The following BICD1 variants were observed in gnomAD, a reference collection of about 807,000 sequenced individuals.
The protein encoded by BICD1 is protein bicaudal D homolog 1.
BICD1 carries 35 observed loss-of-function variants against 92.5 expected under a neutral mutation model. That is an observed-to-expected ratio of 0.38 (90% CI 0.29 to 0.50). BICD1 has a LOEUF of 0.50. BICD1 is among the 20% of genes least tolerant of loss of function. The pLI, the probability that BICD1 is intolerant of heterozygous loss-of-function variation, is 0.93. For missense variants in BICD1, 950 were observed against 1,189.8 expected (o/e 0.80, Z 2.97); for synonymous variants, 429 against 465.1 (o/e 0.92, Z 1.00).
intron 2 of BICD1, among the ~76,000 whole-genome samples, chr12:32,258,054 AG>A (rs1352547106): frequency 6.6e-6 from 1 of 152,190 alleles, no homozygotes; most frequent in African/African-American, 2.4e-5. Context: ...ATACGCCTAG[AG>A]GTAGAATTGC....
chr12:32,126,304 C>T (rs1301432351), intron 1 of BICD1, among the ~76,000 whole-genome samples: 2 of 152,036 alleles, frequency 1.3e-5, no homozygotes, highest in African/African-American at 2.4e-5. Context: ...GCTCTCACCA[C>T]GGTTTGCAGA....
chr12:32,113,812 C>T (rs564416126), intron 1 of BICD1, among the ~76,000 whole-genome samples: 1 of 150,282 alleles, frequency 6.7e-6, no homozygotes, highest in South Asian at 2.1e-4. Context: ...CAGGTTCAAG[C>T]GATTCTCCTG....
chr12:32,257,749 G>C (rs972969986), intron 2 of BICD1, among the ~76,000 whole-genome samples: 1 of 152,128 alleles, frequency 6.6e-6, no homozygotes, highest in African/African-American at 2.4e-5. Context: ...ACTATCCACA[G>C]TAAATAGAAT....
intron 2 of BICD1, among the ~76,000 whole-genome samples, chr12:32,293,076 C>T (rs1302815147): frequency 6.6e-6 from 1 of 152,132 alleles, no homozygotes; most frequent in Non-Finnish European, 1.5e-5. Context: ...AGGCTCCTCT[C>T]CTTATCCCTG....
chr12:32,324,991 T>C (rs111403158), intron 4 of BICD1, among the ~76,000 whole-genome samples: 1,560 of 152,260 alleles, frequency 0.01, 27 homozygotes, highest in African/African-American at 0.036. Flanking sequence ...TATTCAGTTA[T>C]TTCTTCTATA....
intron 1 of BICD1, among the ~76,000 whole-genome samples, chr12:32,116,655 G>A (rs947243780): frequency 3.3e-5 from 5 of 149,834 alleles, no homozygotes; most frequent in African/African-American, 1.2e-4. Flanking sequence ...GAGTAGCTGG[G>A]ACCACAGGTG....
intron 1 of BICD1, among the ~76,000 whole-genome samples, chr12:32,203,487 A>G (rs1298947712): frequency 2.0e-5 from 3 of 152,144 alleles, no homozygotes; most frequent in African/African-American, 2.4e-5. Flanking sequence ...GAATGACCCT[A>G]TGGTCTAAGA....
intron 1 of BICD1, among the ~76,000 whole-genome samples, chr12:32,191,293 C>A (rs1031766390): frequency 6.6e-6 from 1 of 151,716 alleles, no homozygotes; most frequent in African/African-American, 2.4e-5. Flanking sequence ...TGAAGAGAAA[C>A]AAAATTGACA....
intron 1 of BICD1, among the ~76,000 whole-genome samples, chr12:32,137,069 GT>G (rs915173649): frequency 2.6e-5 from 4 of 151,976 alleles, no homozygotes; most frequent in African/African-American, 7.3e-5. Flanking sequence ...TTTAAGTTAG[GT>G]TTTTTTGTTG....
intron 1 of BICD1, among the ~76,000 whole-genome samples, chr12:32,192,097 T>C (rs1944585811): frequency 6.6e-6 from 1 of 152,062 alleles, no homozygotes; most frequent in South Asian, 2.1e-4. Flanking sequence ...CCAAGAAACG[T>C]TCTTGAAGGA....
intron 1 of BICD1, among the ~76,000 whole-genome samples, chr12:32,142,186 A>C (rs1405565638): frequency 6.6e-6 from 1 of 152,004 alleles, no homozygotes; most frequent in Non-Finnish European, 1.5e-5. Flanking sequence ...TGGGCGGGTC[A>C]CTAGAGGTCA....
chr12:32,282,202 CTTTTTTTTTTTTT>C (rs56217529), intron 2 of BICD1, among the ~76,000 whole-genome samples: 53,906 of 93,772 alleles, frequency 0.57, 13,948 homozygotes, highest in Non-Finnish European at 0.63. Context: ...AGGTCTTCTT[CTTTTTTTTTTTTT>C]TTTTTTTTTT....
chr12:32,112,649 TTAAA>T (rs1450128445), intron 1 of BICD1, among the ~76,000 whole-genome samples: 1 of 152,134 alleles, frequency 6.6e-6, no homozygotes, highest in Non-Finnish European at 1.5e-5. Flanking sequence ...AGTCTTAGTA[TTAAA>T]TAATTCATTA....
At chr12:32,361,935 C>CT (rs1939345097) in intron 8 of BICD1, among the ~76,000 whole-genome samples, 1 of 152,222 alleles carries the variant, frequency 6.6e-6, no homozygotes, top group South Asian at 2.1e-4. Flanking sequence ...CCAGTGCCCA[C>CT]TGCTGCCATC....
At chr12:32,265,889 G>T (rs1166243935) in intron 2 of BICD1, among the ~76,000 whole-genome samples, 1 of 152,124 alleles carries the variant, frequency 6.6e-6, no homozygotes, top group Non-Finnish European at 1.5e-5. Flanking sequence ...GAATTCTAAA[G>T]TATAAAGAAT....
intron 1 of BICD1, among the ~76,000 whole-genome samples, chr12:32,184,535 T>C (rs888750621): frequency 6.6e-6 from 1 of 152,170 alleles, no homozygotes; most frequent in African/African-American, 2.4e-5. Flanking sequence ...TCCACCCACC[T>C]CGGCCTCCCA....
intron 1 of BICD1, among the ~76,000 whole-genome samples, chr12:32,177,499 A>G (rs564186370): frequency 6.6e-6 from 1 of 150,884 alleles, no homozygotes; most frequent in South Asian, 2.1e-4. Flanking sequence ...GTATAATCCA[A>G]ATTTTGTAAG....
At chr12:32,224,509 A>G (rs1945626540) in intron 2 of BICD1, among the ~76,000 whole-genome samples, 1 of 152,236 alleles carries the variant, frequency 6.6e-6, no homozygotes, top group Non-Finnish European at 1.5e-5. Context: ...GCTGAGCTAC[A>G]GTAAACAAAT....
At position 32,377,740 on chromosome 12, in the gene BICD1, T is replaced by G. The variant is rs921528827; in HGVS notation, c.*113T>G. Reference sequence around the variant, plus strand: ...TCGGTTGTTAGATGTACAATTGGATTAATGTCCATCGTTTTGGAAGACGAG... The same window carrying G: ...TCGGTTGTTAGATGTACAATTGGATGAATGTCCATCGTTTTGGAAGACGAG... On this transcript the variant is annotated 3_prime_UTR_variant, in exon 10 of 10. Coordinates refer to ENST00000652176, the MANE Select transcript of BICD1 (RefSeq NM_001714.4). 4.4e-6 allele frequency: 4 copies of G among 913,074 alleles called. No individual in the cohort carries two copies. The highest frequency in any genetic ancestry group is 7.0e-6 in the Non-Finnish European group (4 of 567,990). 56.6% of individuals were successfully genotyped at this position (913,074 alleles called of 1,614,324 possible).
Sources: gnomAD v4.1 joint callset for allele counts (sites outside exome capture counted in the v4.1 genomes callset) on GRCh38, gnomAD v4.1.1 for gene constraint, MANE v1.5 for transcripts, NCBI Gene and HGNC (gene_info 2026-07-23, HGNC 2026-07-21) for gene names.